LRIF1: variants seen among roughly 807,000 people sequenced by gnomAD.
The protein encoded by LRIF1 is ligand dependent nuclear receptor interacting factor 1.
LRIF1 carries 32 observed loss-of-function variants against 52.7 expected under a neutral mutation model. That is an observed-to-expected ratio of 0.61 (90% CI 0.46 to 0.82). The LOEUF is 0.82. LRIF1 is among the 40% of genes least tolerant of loss of function. The pLI, the probability that LRIF1 is intolerant of heterozygous loss-of-function variation, is 0.00. For synonymous variants in LRIF1, 323 were observed against 317.4 expected, an observed-to-expected ratio of 1.02 and a Z score of -0.19; for missense variants, 887 against 892.0, an observed-to-expected ratio of 0.99 and a Z score of 0.07.
chr1:110,885,838 T>G, the LRIF1 span, among the ~76,000 whole-genome samples: 1 of 152,176 alleles, frequency 6.6e-6, no homozygotes, highest in Non-Finnish European at 1.5e-5. Flanking sequence ...CACTCCAGCC[T>G]GGGTCACAGA....
At chr1:110,956,744 T>C (rs1311007988) in intron 1 of LRIF1, among the ~76,000 whole-genome samples, 1 of 152,134 alleles carries the variant, frequency 6.6e-6, no homozygotes, top group African/African-American at 2.4e-5. Context: ...TGAAATCACA[T>C]GAGGGAAGAT....
the LRIF1 span, among the ~76,000 whole-genome samples, chr1:110,884,749 T>C: frequency 1.0e-3 from 156 of 152,278 alleles, 2 homozygotes; most frequent in Non-Finnish European, 3.4e-4. Context: ...TAGTCTAATA[T>C]AGACACTCCA....
chr1:110,886,828 G>A, the LRIF1 span, among the ~76,000 whole-genome samples: 2 of 139,422 alleles, frequency 1.4e-5, no homozygotes, highest in African/African-American at 5.2e-5. Flanking sequence ...CTAGGCAACA[G>A]AGCGAGACTC....
chr1:110,910,238 T>C, the LRIF1 span, among the ~76,000 whole-genome samples: 3 of 150,760 alleles, frequency 2.0e-5, no homozygotes, highest in African/African-American at 7.3e-5. Flanking sequence ...TCTTCTCATC[T>C]ACACATGGCA....
the LRIF1 span, among the ~76,000 whole-genome samples, chr1:110,926,311 G>T: frequency 6.6e-6 from 1 of 151,812 alleles, no homozygotes; most frequent in Admixed American, 6.6e-5. Flanking sequence ...GGGAATAGAA[G>T]ATAAAAAGCC....
At position 110,951,477 on chromosome 1, in the gene LRIF1, ACT is replaced by A. The variant is rs748965333; in HGVS notation, c.1405_1406del (p.Ser469Ter). 1.2e-6 allele frequency: 2 copies of A among 1,613,932 alleles called. No individual in the cohort carries two copies. The highest frequency in any genetic ancestry group is 1.7e-6 in the Non-Finnish European group (2 of 1,179,962). On this transcript the variant is annotated frameshift_variant, in exon 2 of 4. Coordinates refer to ENST00000369763, the MANE Select transcript of LRIF1 (RefSeq NM_018372.4). LOFTEE classifies it high-confidence loss of function. Reference sequence around the variant, plus strand: ...AGATTGGATTTGTGAATAAAGTCTTACTCTGTTTTAAGTAGTTACTGGATTGG... The same window carrying A: ...AGATTGGATTTGTGAATAAAGTCTTACTGTTTTAAGTAGTTACTGGATTGG... ...MNQSSNYLKQ[S>X]KTLFTNPIFP... is the part of the protein sequence containing the mutation.
chr1:110,935,037 G>A, the LRIF1 span, among the ~76,000 whole-genome samples: 1 of 152,086 alleles, frequency 6.6e-6, no homozygotes, highest in Non-Finnish European at 1.5e-5. Context: ...GAGAACAGGA[G>A]CCTCTGCCTA....
the LRIF1 span, among the ~76,000 whole-genome samples, chr1:110,925,184 C>T: frequency 6.6e-6 from 1 of 152,124 alleles, no homozygotes; most frequent in South Asian, 2.1e-4. Context: ...TTGGGTAAAG[C>T]AGATTTCCCT....
At chr1:110,953,660 T>TA (rs1321896900) in intron 1 of LRIF1, among the ~76,000 whole-genome samples, 1 of 152,198 alleles carries the variant, frequency 6.6e-6, no homozygotes, top group African/African-American at 2.4e-5. Context: ...TTTGCATAAT[T>TA]AGTTATTTGG....
chr1:110,907,648 T>C, the LRIF1 span, among the ~76,000 whole-genome samples: 1 of 152,160 alleles, frequency 6.6e-6, no homozygotes. Flanking sequence ...AGCAGAGAAT[T>C]GCTTGAATCC....
At chr1:110,899,210 G>A in the LRIF1 span, 5 of 1,581,696 alleles carry the variant, frequency 3.2e-6, no homozygotes, top group South Asian at 5.5e-5. Flanking sequence ...CAGTAGTCCT[G>A]TGGTGAAGAG....
At chr1:110,887,433 A>G in the LRIF1 span, among the ~76,000 whole-genome samples, 4 of 152,108 alleles carry the variant, frequency 2.6e-5, no homozygotes, top group East Asian at 3.8e-4. Context: ...GTTTTCATCT[A>G]TCGCCATATT....
Position 110,955,732 on chromosome 1 carries a change from A to G in LRIF1, c.69-2917T>C, listed in dbSNP as rs373867564. ...AACTCTTTTTAAACTTTGACTGTCAAGGGGAAGAGAACGACTGGCAGGAAG... is the reference window on the plus strand; with the variant it reads ...AACTCTTTTTAAACTTTGACTGTCAGGGGGAAGAGAACGACTGGCAGGAAG... On this transcript the variant is annotated intron_variant, in intron 1 of 3. Transcript: ENST00000369763. 6.0e-4 allele frequency among the ~76,000 whole-genome samples: 91 copies of G among 152,324 alleles called. 2 individuals carry two copies. The South Asian group carries it at 0.016, about 27-fold the overall frequency.
At chr1:110,922,651 C>G in the LRIF1 span, among the ~76,000 whole-genome samples, 1 of 152,134 alleles carries the variant, frequency 6.6e-6, no homozygotes, top group Non-Finnish European at 1.5e-5. Flanking sequence ...TTCAAATAAA[C>G]ACACATTGTA....
the LRIF1 span, chr1:110,894,876 C>A: frequency 9.7e-7 from 1 of 1,031,440 alleles, no homozygotes; most frequent in Non-Finnish European, 1.5e-6. Context: ...GCAAGTGGAA[C>A]CACTAACCTA....
chr1:110,939,069 C>T, the LRIF1 span: 5 of 152,072 alleles, frequency 3.3e-5, no homozygotes, highest in Admixed American at 1.3e-4. Context: ...AAAAATTCCA[C>T]GTTCATGGAG....
At chr1:110,894,238 T>TGC in the LRIF1 span, 2 of 1,136,270 alleles carry the variant, frequency 1.8e-6, no homozygotes, top group South Asian at 2.5e-5. Flanking sequence ...CCTGTACTCG[T>TGC]GCAAATGCCC....
At chr1:110,909,602 C>T in the LRIF1 span, among the ~76,000 whole-genome samples, 14 of 95,734 alleles carry the variant, frequency 1.5e-4, no homozygotes, top group East Asian at 1.8e-3. Flanking sequence ...TTTTTTGAGA[C>T]GGAGTTTCGC....
the LRIF1 span, chr1:110,899,217 A>G: frequency 6.4e-7 from 1 of 1,563,300 alleles, no homozygotes; most frequent in Non-Finnish European, 8.8e-7. Context: ...CCTGTGGTGA[A>G]GAGACTTGTT....
Sources: allele counts gnomAD v4.1 joint callset (sites outside exome capture counted in the v4.1 genomes callset), GRCh38; gene constraint gnomAD v4.1.1; transcripts MANE v1.5; gene names NCBI Gene and HGNC (gene_info 2026-07-23, HGNC 2026-07-21).